Variants in KHDC4 observed in about 807,000 individuals in gnomAD.
The protein encoded by KHDC4 is KH domain containing 4, pre-mRNA splicing factor.
A neutral mutation model predicts 74.5 loss-of-function variants in KHDC4; 19 were observed. The ratio of observed to expected loss-of-function variants is 0.26; its 90% CI spans 0.18 to 0.37. KHDC4 has a LOEUF of 0.37. Among genes scored for constraint, KHDC4 ranks in the 10% least tolerant of loss-of-function variants. The pLI is 1.00. For missense variants in KHDC4, 632 were observed against 754.1 expected (o/e 0.84, Z 1.90); for synonymous variants, 253 against 266.1 (o/e 0.95, Z 0.48).
chr1:155,927,297 A>T lies in KHDC4; in HGVS notation c.465-141T>A, dbSNP rs982120926. 1.8e-5 allele frequency: 11 copies of T among 624,244 alleles called. No individual in the cohort carries two copies. In the African/African-American group the frequency reaches 2.0e-4, roughly 12 times the overall value. The allele number at this position is 624,244 out of a possible 1,614,324, so 38.7% of individuals were successfully genotyped here. A position where few individuals can be genotyped will look rare whatever the true frequency, so the allele number is the denominator to read the frequency against. On this transcript the variant is annotated intron_variant, in intron 4 of 13. Transcript: ENST00000368321. The stretch of plus-strand genomic sequence containing the variant: ...TATATACATTAGAAGGGTTTTTGCT[A>T]GCTAATGTCTCAGAACATGCTTTAA...
intron 10 of KHDC4, among the ~76,000 whole-genome samples, chr1:155,920,572 ACT>A (rs754231084): frequency 5.3e-5 from 8 of 152,154 alleles, no homozygotes; most frequent in Non-Finnish European, 1.2e-4. Context: ...AGACAGTCTC[ACT>A]CTGTCACTGA....
intron 10 of KHDC4, among the ~76,000 whole-genome samples, chr1:155,919,579 G>A (rs1192843609): frequency 1.3e-5 from 2 of 152,032 alleles, no homozygotes; most frequent in Non-Finnish European, 2.9e-5. Context: ...GGGAGTCTGA[G>A]GTGGGCGGAT....
intron 11 of KHDC4, 119 bp downstream of exon 11, chr1:155,917,380 A>C (rs767017200): frequency 4.4e-5 from 40 of 907,364 alleles, no homozygotes; most frequent in Non-Finnish European, 4.7e-5. Context: ...CCTAACCAAA[A>C]TGAATTCCAG....
Position 155,925,794 on chromosome 1 carries a change from G to T in KHDC4, c.731C>A (p.Pro244His). The T allele has an allele frequency of 6.2e-7, 1 of 1,614,018 alleles. No homozygotes were observed. The highest frequency in any genetic ancestry group is 8.5e-7 in the Non-Finnish European group (1 of 1,179,978). The change falls in exon 7 of 14, where the codon CCC (proline) becomes CAC (histidine). Residue 244 changes from proline (P) to histidine (H), a missense_variant. This residue lies in a region of KHDC4 where 233 missense variants were observed against 342.6 expected (regional missense o/e 0.68). Coordinates refer to ENST00000368321, the MANE Select transcript of KHDC4 (RefSeq NM_014949.4). ...KLFVGLEHAVPTFNVKEKVEG... is the reference protein window; with the variant it reads ...KLFVGLEHAVHTFNVKEKVEG... ...CACCTTCTCCTTGACATTAAAAGTG[G>T]GTACAGCATGTTCTAGACCCACAAA...
At chr1:155,916,561 T>C in intron 12 of KHDC4, 64 bp downstream of exon 12, 2 of 1,063,186 alleles carry the variant, frequency 1.9e-6, no homozygotes, top group Non-Finnish European at 2.8e-6. Context: ...GCAATGATCA[T>C]TACTCTCACT....
In KHDC4 at chr1:155,916,712, A is replaced by G; in HGVS notation, c.1466T>C (p.Leu489Ser). 6.2e-7 allele frequency: 1 copy of G among 1,613,696 alleles called. No individual in the cohort carries two copies. The highest frequency in any genetic ancestry group is 1.1e-5 in the South Asian group (1 of 91,000). ...YQHGPIHMTN[L>S]GTGFSSQNEI... Reference sequence around the variant, plus strand: ...ATTCTGACTGGAGAAGCCTGTACCTAAATTAGTCATATGAATGGGTCCATG... The same window carrying G: ...ATTCTGACTGGAGAAGCCTGTACCTGAATTAGTCATATGAATGGGTCCATG... Residue 489 changes from leucine to serine, a missense_variant, in exon 12 of 14, where the codon TTA becomes TCA. By Grantham distance (145) the Leu-to-Ser change is moderately radical. Around this residue, in one of 4 missense-constraint regions of KHDC4, gnomAD observed 254 missense variants for 267.4 expected, o/e 0.95. Coordinates refer to ENST00000368321, the MANE Select transcript of KHDC4 (RefSeq NM_014949.4).
At chr1:155,915,025 T>C (rs1673701987) in intron 13 of KHDC4, 1 of 152,232 alleles carries the variant, frequency 6.6e-6, no homozygotes, top group African/African-American at 2.4e-5. Flanking sequence ...CTGTATACAA[T>C]TTTTTTAAAA....
intron 6 of KHDC4, 170 bp downstream of exon 6, chr1:155,926,506 C>G (rs576128457): frequency 3.1e-6 from 2 of 651,456 alleles, no homozygotes; most frequent in African/African-American, 1.8e-5. Flanking sequence ...ATGTTCGTGA[C>G]GGGGTTTCAC....
chr1:155,932,502 C>T (rs917482168), intron 2 of KHDC4: 1 of 151,882 alleles, frequency 6.6e-6, no homozygotes, highest in African/African-American at 2.4e-5. Flanking sequence ...ATGTATCCTG[C>T]TGAGGTCAAC....
At chr1:155,928,951 C>CA (rs11406084) in intron 4 of KHDC4, among the ~76,000 whole-genome samples, 36,122 of 92,778 alleles carry the variant, frequency 0.39, 5,972 homozygotes, top group East Asian at 0.82. Context: ...GACTCCATCT[C>CA]AAAAAAAAAA....
chr1:155,913,347 A>T lies in KHDC4; in HGVS notation c.*774T>A, dbSNP rs1397868935. ...GTCAGATCTCTCTGTTTTAGCTGCA[A>T]CCAGTTCTGGGAGAGAGAGACCACT... On this transcript the variant is annotated 3_prime_UTR_variant, in exon 14 of 14. Coordinates refer to ENST00000368321, the MANE Select transcript of KHDC4 (RefSeq NM_014949.4). 1.3e-5 allele frequency: 2 copies of T among 152,446 alleles called. No individual in the cohort carries two copies. Among genetic ancestry groups the T allele is most frequent in the East Asian group, 1.9e-4 (1 of 5,342 alleles). The allele number at this position is 152,446 out of a possible 1,614,324, so 9.4% of individuals were successfully genotyped here.
At chr1:155,920,066 G>T in intron 10 of KHDC4, 1 of 476,248 alleles carries the variant, frequency 2.1e-6, no homozygotes, top group Non-Finnish European at 4.2e-6. Context: ...TCTCTCCCCT[G>T]CCTCCAAGAC....
intron 10 of KHDC4, among the ~76,000 whole-genome samples, chr1:155,918,969 C>T (rs1036318493): frequency 2.6e-5 from 3 of 114,738 alleles, no homozygotes; most frequent in Admixed American, 1.2e-4. Context: ...TTCTAACTCC[C>T]AGTTTTTTTT....
intron 10 of KHDC4, 136 bp from the exon 11 acceptor site, chr1:155,917,808 T>G: frequency 4.1e-6 from 3 of 740,630 alleles, no homozygotes; most frequent in Non-Finnish European, 6.5e-6. Context: ...GTTTCCTTCA[T>G]GTATAATTTG....
Position 155,933,748 on chromosome 1 carries a change from C to G in KHDC4, c.140G>C (p.Gly47Ala), listed in dbSNP as rs758954942. The change falls in exon 2 of 14, where the codon GGC (glycine) becomes GCC (alanine). Residue 47 changes from glycine to alanine, a missense_variant. Coordinates refer to ENST00000368321, the MANE Select transcript of KHDC4 (RefSeq NM_014949.4). Reference sequence around the variant, plus strand: ...GGCTCCTGAAGGAGCAGCTGTGGTGCCCCCAGGACTTCCCCCACTGCTGGT... The same window carrying G: ...GGCTCCTGAAGGAGCAGCTGTGGTGGCCCCAGGACTTCCCCCACTGCTGGT... ...EVTSSGGSPG[G>A]TTAAPSGALD... 26 of 1,604,666 alleles carry G rather than the reference C, an allele frequency of 1.6e-5. No homozygotes were observed. Among genetic ancestry groups the G allele is most frequent in the Non-Finnish European group, 2.1e-5 (25 of 1,174,744 alleles).
At position 155,921,429 on chromosome 1, in the gene KHDC4, A is replaced by G. The variant is rs2102600527; in HGVS notation, c.1212T>C (p.Pro404=). 2 of 1,614,170 alleles carry G rather than the reference A, an allele frequency of 1.2e-6. No individual in the cohort carries two copies. The highest frequency in any genetic ancestry group is 1.7e-6 in the Non-Finnish European group (2 of 1,180,014). The stretch of plus-strand genomic sequence containing the variant: ...GTGTTATCGGGTATTGTGTTGGCAC[A>G]GGTGGGACTCCAGTAGGTAATGCCG... ...VLPALPTGVP[P]VPTQYPITQV... is the part of the protein sequence containing the mutation. Residue 404 remains proline (P), a synonymous_variant, in exon 10 of 14, where the codon CCT becomes CCC. Coordinates refer to ENST00000368321, the MANE Select transcript of KHDC4 (RefSeq NM_014949.4).
At chr1:155,921,681 T>C in intron 9 of KHDC4, 53 bp from the exon 10 acceptor site, 1 of 1,578,300 alleles carries the variant, frequency 6.3e-7, no homozygotes, top group Non-Finnish European at 8.6e-7. Flanking sequence ...TGAGACAATT[T>C]AGCTGAATAT....
chr1:155,929,644 C>T, intron 3 of KHDC4, 68 bp downstream of exon 3: 5 of 1,527,912 alleles, frequency 3.3e-6, no homozygotes, highest in Non-Finnish European at 4.4e-6. Flanking sequence ...TGACGCCTGT[C>T]TATTTAGAGG....
At chr1:155,930,957 G>C (rs1413491302) in intron 2 of KHDC4, among the ~76,000 whole-genome samples, 1 of 152,090 alleles carries the variant, frequency 6.6e-6, no homozygotes, top group Non-Finnish European at 1.5e-5. Flanking sequence ...GTTGCAATGA[G>C]CCGAGATCAC....
Sources: gnomAD v4.1 joint callset for allele counts (sites outside exome capture counted in the v4.1 genomes callset) on GRCh38, gnomAD v4.1.1 for gene constraint, gnomAD v4.1.1 regional missense constraint, MANE v1.5 for transcripts, NCBI Gene and HGNC (gene_info 2026-07-23, HGNC 2026-07-21) for gene names.